PCDHA2: variants seen among roughly 807,000 people sequenced by gnomAD.
PCDHA2 encodes protocadherin alpha-2.
A neutral mutation model predicts 66.0 loss-of-function variants in PCDHA2; 58 were observed. That is an observed-to-expected ratio of 0.88 (90% CI 0.71 to 1.09). The LOEUF (loss-of-function observed/expected upper bound fraction) is 1.09. Among genes scored for constraint, PCDHA2 ranks in the 50% least tolerant of loss-of-function variants. PCDHA2 has a pLI of 0.00. For synonymous variants in PCDHA2, 634 were observed against 554.0 expected, an observed-to-expected ratio of 1.14 and a Z score of -2.03; for missense variants, 1,267 against 1,242.3, an observed-to-expected ratio of 1.02 and a Z score of -0.30.
intron 1 of PCDHA2, among the ~76,000 whole-genome samples, chr5:140,854,934 C>G (rs1363898254): frequency 6.7e-6 from 1 of 149,702 alleles, no homozygotes; most frequent in Non-Finnish European, 1.5e-5. Flanking sequence ...CCTCTGAAAG[C>G]AGAAATAATA....
chr5:140,877,266 C>T, intron 1 of PCDHA2: 1 of 1,613,808 alleles, frequency 6.2e-7, no homozygotes, highest in Non-Finnish European at 8.5e-7. Flanking sequence ...GCGCGGTGGA[C>T]GCTGACTCCG....
At chr5:140,884,810 G>A in intron 1 of PCDHA2, 1 of 1,150,538 alleles carries the variant, frequency 8.7e-7, no homozygotes, top group Non-Finnish European at 1.2e-6. Context: ...CAACTCTGCT[G>A]TGGACATTAT....
At chr5:140,834,013 C>T (rs1286053645) in intron 1 of PCDHA2, among the ~76,000 whole-genome samples, 3 of 152,146 alleles carry the variant, frequency 2.0e-5, no homozygotes, top group East Asian at 1.9e-4. Context: ...TCTGGTAACA[C>T]TGAGTATTCA....
intron 1 of PCDHA2, among the ~76,000 whole-genome samples, chr5:140,916,967 G>A (rs1215722713): frequency 2.6e-5 from 4 of 152,194 alleles, no homozygotes; most frequent in African/African-American, 9.7e-5. Context: ...TGACTGCTGG[G>A]ATGAGTGATT....
intron 1 of PCDHA2, among the ~76,000 whole-genome samples, chr5:140,919,232 T>G (rs1178591658): frequency 3.9e-5 from 6 of 152,246 alleles, no homozygotes; most frequent in African/African-American, 1.4e-4. Flanking sequence ...CTAGTAACAC[T>G]TTTTGTCTTG....
chr5:140,978,907 G>T (rs782602741), intron 1 of PCDHA2, 42 bp from the exon 2 acceptor site: 3 of 1,613,648 alleles, frequency 1.9e-6, no homozygotes, highest in East Asian at 2.2e-5. Flanking sequence ...GGAGAACATT[G>T]TCTTGTCATT....
chr5:140,836,501 G>A (rs1554136017), intron 1 of PCDHA2: 4 of 1,613,866 alleles, frequency 2.5e-6, no homozygotes, highest in Admixed American at 1.7e-5. Flanking sequence ...CCATCTGCGC[G>A]GTGTCCAGTC....
chr5:140,886,453 A>G (rs1047264611), intron 1 of PCDHA2, among the ~76,000 whole-genome samples: 1 of 152,140 alleles, frequency 6.6e-6, no homozygotes, highest in Non-Finnish European at 1.5e-5. Flanking sequence ...TAATTTTGTC[A>G]TATATAAATG....
chr5:140,994,272 CT>C (rs1359828811), intron 3 of PCDHA2, among the ~76,000 whole-genome samples: 4 of 152,168 alleles, frequency 2.6e-5, no homozygotes, highest in African/African-American at 9.7e-5. Flanking sequence ...GCTAGGCTGC[CT>C]TTCTTGAGAC....
intron 3 of PCDHA2, among the ~76,000 whole-genome samples, chr5:141,007,033 T>C (rs1357363669): frequency 6.6e-6 from 1 of 152,120 alleles, no homozygotes; most frequent in Non-Finnish European, 1.5e-5. Flanking sequence ...GGTATTTATA[T>C]CTATGGATAT....
intron 1 of PCDHA2, chr5:140,828,503 C>T (rs2150156101): frequency 3.7e-6 from 6 of 1,614,238 alleles, no homozygotes; most frequent in Non-Finnish European, 5.1e-6. Context: ...GGTAGAGGAA[C>T]AAAGAGTGCT....
chr5:140,821,951 T>G (rs2150112237), intron 1 of PCDHA2: 2 of 1,614,172 alleles, frequency 1.2e-6, no homozygotes, highest in South Asian at 2.2e-5. Context: ...GCGGAGCTGG[T>G]GCCGCGCCTG....
chr5:140,884,125 C>T (rs1554181246), intron 1 of PCDHA2: 1 of 1,613,416 alleles, frequency 6.2e-7, no homozygotes, highest in Admixed American at 1.7e-5. Context: ...TCGGCGCGCG[C>T]ATCCCGTTCC....
intron 1 of PCDHA2, chr5:140,851,113 A>C: frequency 1.5e-6 from 2 of 1,303,480 alleles, no homozygotes; most frequent in East Asian, 5.4e-5. Context: ...GTGCTGAATC[A>C]ATTTTATTTA....
At chr5:141,008,843 G>A (rs1474787733) in intron 3 of PCDHA2, among the ~76,000 whole-genome samples, 7 of 152,114 alleles carry the variant, frequency 4.6e-5, no homozygotes, top group Non-Finnish European at 1.0e-4. Context: ...CTTACGCTGT[G>A]TATTCCCATC....
intron 1 of PCDHA2, chr5:140,929,415 C>A: frequency 6.6e-7 from 1 of 1,504,268 alleles, no homozygotes; most frequent in Non-Finnish European, 8.9e-7. Context: ...CCTTTCACAA[C>A]ATTTCATCAA....
intron 1 of PCDHA2, chr5:140,927,588 A>G (rs914756357): frequency 1.9e-6 from 3 of 1,614,210 alleles, no homozygotes; most frequent in East Asian, 2.2e-5. Context: ...ACGCGCCTGT[A>G]TTTGAGCGCT....
At chr5:140,984,041 T>A (rs1440161569) in intron 3 of PCDHA2, among the ~76,000 whole-genome samples, 1 of 152,196 alleles carries the variant, frequency 6.6e-6, no homozygotes, top group Non-Finnish European at 1.5e-5. Flanking sequence ...CATAAAATAG[T>A]TCATTGACAA....
chr5:140,808,975 G>C, intron 1 of PCDHA2: 1 of 1,613,626 alleles, frequency 6.2e-7, no homozygotes, highest in Non-Finnish European at 8.5e-7. Flanking sequence ...AGGTGCGCGC[G>C]GTGGATGCTG....
Sources: allele counts gnomAD v4.1 joint callset (sites outside exome capture counted in the v4.1 genomes callset), GRCh38; gene constraint gnomAD v4.1.1; transcripts MANE v1.5; gene names NCBI Gene and HGNC (gene_info 2026-07-23, HGNC 2026-07-21).